The following MACROD2 variants were observed in gnomAD, a reference collection of about 807,000 sequenced individuals.
MACROD2 encodes the protein mono-ADP ribosylhydrolase 2.
MACROD2 carries 36 observed loss-of-function variants against 70.4 expected under a neutral mutation model. The ratio of observed to expected loss-of-function variants is 0.51; its 90% CI spans 0.39 to 0.68. The LOEUF (loss-of-function observed/expected upper bound fraction) is 0.68. Ranked by LOEUF, MACROD2 falls within the 30% of genes least tolerant of loss-of-function variation. The pLI is 0.00. For synonymous variants in MACROD2, 172 were observed against 178.8 expected (o/e 0.96, Z 0.30); for missense variants, 496 against 538.4 (o/e 0.92, Z 0.78).
At chr20:14,411,730 A>T (rs1308036622) in intron 3 of MACROD2, among the ~76,000 whole-genome samples, 1 of 151,974 alleles carries the variant, frequency 6.6e-6, no homozygotes, top group Non-Finnish European at 1.5e-5. Flanking sequence ...TTTTCTTCTC[A>T]GTTCAAGCTG....
At chr20:15,045,189 C>T (rs912306905) in intron 5 of MACROD2, among the ~76,000 whole-genome samples, 2 of 152,150 alleles carry the variant, frequency 1.3e-5, no homozygotes, top group Non-Finnish European at 2.9e-5. Context: ...TTGTCAGTAA[C>T]AAGTTCATCA....
At chr20:15,644,281 C>G (rs998256383) in intron 8 of MACROD2, among the ~76,000 whole-genome samples, 1 of 152,130 alleles carries the variant, frequency 6.6e-6, no homozygotes, top group Non-Finnish European at 1.5e-5. Flanking sequence ...TAAACCTCCC[C>G]CACTTACCCA....
intron 3 of MACROD2, among the ~76,000 whole-genome samples, chr20:14,237,255 G>A (rs1390981403): frequency 1.3e-5 from 2 of 151,828 alleles, no homozygotes; most frequent in African/African-American, 4.8e-5. Context: ...GTCGATTTAT[G>A]TGTGTATATA....
intron 4 of MACROD2, among the ~76,000 whole-genome samples, chr20:14,644,133 C>T (rs572356822): frequency 6.6e-6 from 1 of 152,076 alleles, no homozygotes; most frequent in Non-Finnish European, 1.5e-5. Flanking sequence ...AAACTGACTG[C>T]TTTTGTGAGT....
chr20:15,838,921 C>G (rs2064142504), intron 8 of MACROD2, among the ~76,000 whole-genome samples: 1 of 99,494 alleles, frequency 1.0e-5, no homozygotes, highest in Admixed American at 8.7e-5. Context: ...AAAGCCCAGA[C>G]AGTTTGGAGG....
At chr20:14,377,459 C>T (rs80052589) in intron 3 of MACROD2, among the ~76,000 whole-genome samples, 8,458 of 152,268 alleles carry the variant, frequency 0.056, 269 homozygotes, top group African/African-American at 0.075. Context: ...TTTGTCTCAT[C>T]ACTATCTATC....
At chr20:14,714,644 C>T (rs1446867300) in intron 5 of MACROD2, among the ~76,000 whole-genome samples, 4 of 151,988 alleles carry the variant, frequency 2.6e-5, no homozygotes, top group Non-Finnish European at 4.4e-5. Flanking sequence ...TTCAACATGC[C>T]CCCTCTCATG....
intron 5 of MACROD2, among the ~76,000 whole-genome samples, chr20:15,001,698 A>G (rs976257850): frequency 4.0e-5 from 6 of 151,486 alleles, no homozygotes; most frequent in Admixed American, 2.6e-4. Context: ...ATGTTATCTT[A>G]TTTTTTGTTT....
At chr20:14,840,298 A>G (rs1482200618) in intron 5 of MACROD2, among the ~76,000 whole-genome samples, 2 of 152,146 alleles carry the variant, frequency 1.3e-5, no homozygotes, top group Non-Finnish European at 2.9e-5. Context: ...TCAGACTCCC[A>G]AAGTGCTGGG....
At chr20:14,626,728 G>A (rs1568707722) in intron 4 of MACROD2, among the ~76,000 whole-genome samples, 1 of 152,108 alleles carries the variant, frequency 6.6e-6, no homozygotes, top group Non-Finnish European at 1.5e-5. Flanking sequence ...GAGGAAGTAT[G>A]GCCATTGTCG....
At chr20:14,539,141 G>A (rs1168774983) in intron 4 of MACROD2, among the ~76,000 whole-genome samples, 4 of 152,164 alleles carry the variant, frequency 2.6e-5, no homozygotes, top group Admixed American at 2.0e-4. Context: ...ACCTTTCTCT[G>A]TCCAGCTTAT....
intron 5 of MACROD2, among the ~76,000 whole-genome samples, chr20:14,846,731 A>T (rs1056950882): frequency 6.6e-6 from 1 of 152,090 alleles, no homozygotes; most frequent in Admixed American, 6.5e-5. Flanking sequence ...GTTAGCCAGG[A>T]TGGTCTTGAT....
chr20:15,869,228 T>TAGAG (rs1336136214), intron 9 of MACROD2, among the ~76,000 whole-genome samples: 26 of 43,948 alleles, frequency 5.9e-4, no homozygotes, highest in East Asian at 4.0e-3. Context: ...TATATATATA[T>TAGAG]ATATATATAT....
chr20:14,749,368 C>T (rs2123733154), intron 5 of MACROD2, among the ~76,000 whole-genome samples: 1 of 151,324 alleles, frequency 6.6e-6, no homozygotes, highest in East Asian at 1.9e-4. Context: ...CTTATATTTC[C>T]TAATATACTA....
intron 5 of MACROD2, among the ~76,000 whole-genome samples, chr20:14,853,419 G>A (rs529192650): frequency 3.3e-5 from 5 of 151,796 alleles, no homozygotes; most frequent in African/African-American, 9.7e-5. Flanking sequence ...TTCATGGCCC[G>A]TCTTCCTGTC....
intron 4 of MACROD2, among the ~76,000 whole-genome samples, chr20:14,620,823 T>C (rs1415652754): frequency 6.6e-6 from 1 of 152,158 alleles, no homozygotes; most frequent in Non-Finnish European, 1.5e-5. Flanking sequence ...TTCTACTTTT[T>C]CTTTAATTTA....
intron 4 of MACROD2, among the ~76,000 whole-genome samples, chr20:14,644,838 C>G (rs1985295591): frequency 6.6e-6 from 1 of 152,010 alleles, no homozygotes; most frequent in Non-Finnish European, 1.5e-5. Flanking sequence ...TTCTTGTGAA[C>G]TTGGAGTGGG....
chr20:14,355,643 T>C (rs992484400), intron 3 of MACROD2, among the ~76,000 whole-genome samples: 1 of 152,198 alleles, frequency 6.6e-6, no homozygotes, highest in African/African-American at 2.4e-5. Flanking sequence ...ACATGTCTTA[T>C]GATTTTAATG....
rs6043153 is a variant in MACROD2, at chr20:15,249,805, G to T, written c.540+19744G>T. Among the ~76,000 whole-genome samples, 706 of 152,308 alleles carry T rather than the reference G, an allele frequency of 4.6e-3. 5 individuals carry two copies. The highest frequency in any genetic ancestry group is 0.016 in the African/African-American group (680 of 41,576). On this transcript the variant is annotated intron_variant, in intron 6 of 17. Coordinates refer to ENST00000684519, the MANE Select transcript of MACROD2 (RefSeq NM_001351661.2). ...TCCATGTGGAAAAGGAAACATGGGC[G>T]GCAGGGGCCGAGCTGGTTCAAAGGT...
Sources: allele counts gnomAD v4.1 joint callset (sites outside exome capture counted in the v4.1 genomes callset), GRCh38; gene constraint gnomAD v4.1.1; transcripts MANE v1.5; gene names NCBI Gene and HGNC (gene_info 2026-07-23, HGNC 2026-07-21).